Variants in SCP2 observed in about 807,000 individuals in gnomAD.
The protein encoded by SCP2 is SCP-2/3-oxoacyl-CoA thiolase.
SCP2 carries 48 observed loss-of-function variants against 71.4 expected under a neutral mutation model. That is an observed-to-expected ratio of 0.67 (90% CI 0.53 to 0.86). SCP2 has a LOEUF of 0.86. Among genes scored for constraint, SCP2 ranks in the 40% least tolerant of loss-of-function variants. The pLI is 0.00. For missense variants in SCP2, 560 were observed against 655.6 expected (o/e 0.85, Z 1.59); for synonymous variants, 220 against 218.1 (o/e 1.01, Z -0.08).
chr1:52,928,308 C>T (rs1205021174), intron 1 of SCP2, among the ~76,000 whole-genome samples: 1 of 152,272 alleles, frequency 6.6e-6, no homozygotes, highest in Admixed American at 6.5e-5. Flanking sequence ...GGCTTATTCA[C>T]TGCTGTGCCC....
intron 1 of SCP2, among the ~76,000 whole-genome samples, chr1:52,938,789 T>C (rs1653961751): frequency 6.6e-6 from 1 of 152,224 alleles, no homozygotes; most frequent in Non-Finnish European, 1.5e-5. Context: ...GAACATACAT[T>C]GACACATCAT....
At chr1:53,013,477 C>T (rs1661119764) in intron 11 of SCP2, among the ~76,000 whole-genome samples, 1 of 150,458 alleles carries the variant, frequency 6.6e-6, no homozygotes, top group African/African-American at 2.5e-5. Flanking sequence ...TGCCTGGAGT[C>T]CCAGCTACTT....
chr1:53,024,296 G>T (rs1328885621), intron 12 of SCP2, among the ~76,000 whole-genome samples: 1 of 152,114 alleles, frequency 6.6e-6, no homozygotes, highest in Non-Finnish European at 1.5e-5. Context: ...GTTGCCAGGG[G>T]TTGGAAGCAG....
chr1:53,010,932 T>C (rs1244346048), intron 11 of SCP2, among the ~76,000 whole-genome samples: 1 of 152,186 alleles, frequency 6.6e-6, no homozygotes, highest in African/African-American at 2.4e-5. Flanking sequence ...CTGACTCCTT[T>C]TTCAGACTCA....
At chr1:52,932,161 T>C (rs2150094906) in intron 1 of SCP2, among the ~76,000 whole-genome samples, 1 of 152,172 alleles carries the variant, frequency 6.6e-6, no homozygotes, top group East Asian at 1.9e-4. Context: ...AACTAGGAAA[T>C]TATCAGAGAA....
chr1:52,952,806 T>C (rs1304517329), intron 4 of SCP2, among the ~76,000 whole-genome samples: 1 of 152,072 alleles, frequency 6.6e-6, no homozygotes, highest in East Asian at 1.9e-4. Context: ...GATAATGCCA[T>C]TGTAAACATT....
intron 13 of SCP2, among the ~76,000 whole-genome samples, chr1:53,032,168 C>T (rs1031810810): frequency 3.9e-5 from 6 of 152,314 alleles, no homozygotes; most frequent in Admixed American, 2.6e-4. Flanking sequence ...GCTCTGCTGT[C>T]ATCGGCTAAA....
chr1:53,021,119 ACCT>A (rs1452425355), intron 12 of SCP2, among the ~76,000 whole-genome samples: 1 of 151,740 alleles, frequency 6.6e-6, no homozygotes, highest in Non-Finnish European at 1.5e-5. Flanking sequence ...TAATCTTCCC[ACCT>A]CAGCCTCCTG....
chr1:53,007,930 A>G (rs573974003), intron 11 of SCP2, among the ~76,000 whole-genome samples: 1 of 152,352 alleles, frequency 6.6e-6, no homozygotes, highest in Admixed American at 6.5e-5. Flanking sequence ...GATGCAATAA[A>G]AAATGATAAA....
chr1:53,030,157 G>A (rs991389771), intron 13 of SCP2, among the ~76,000 whole-genome samples: 3 of 151,980 alleles, frequency 2.0e-5, no homozygotes, highest in African/African-American at 7.2e-5. Flanking sequence ...CAAAGTGCTG[G>A]GATTACAGGC....
intron 14 of SCP2, among the ~76,000 whole-genome samples, chr1:53,042,290 G>C (rs1214301730): frequency 6.6e-6 from 1 of 151,152 alleles, no homozygotes; most frequent in Admixed American, 6.6e-5. Flanking sequence ...ATGACTGAAG[G>C]TTAATGGTTA....
chr1:52,977,479 T>C (rs1368099058), intron 8 of SCP2, among the ~76,000 whole-genome samples: 1 of 152,238 alleles, frequency 6.6e-6, no homozygotes, highest in African/African-American at 2.4e-5. Flanking sequence ...TGGTTTTGTA[T>C]TCCCAAGCTA....
chr1:52,961,692 C>T (rs1238694762), intron 6 of SCP2, 63 bp downstream of exon 6: 2 of 1,429,698 alleles, frequency 1.4e-6, no homozygotes, highest in Admixed American at 3.4e-5. Flanking sequence ...TGAGAAATGA[C>T]AGTTATTTAT....
At chr1:53,027,275 G>A (rs892719731) in intron 12 of SCP2, among the ~76,000 whole-genome samples, 14 of 151,958 alleles carry the variant, frequency 9.2e-5, no homozygotes, top group African/African-American at 2.7e-4. Context: ...GGCTGGTCTC[G>A]AACTCCTGAG....
At chr1:53,024,917 A>G (rs1662013790) in intron 12 of SCP2, among the ~76,000 whole-genome samples, 1 of 151,984 alleles carries the variant, frequency 6.6e-6, no homozygotes, top group African/African-American at 2.4e-5. Flanking sequence ...TAAAGATGTC[A>G]TCTTTATCCC....
chr1:53,038,250 G>A (rs879434587), intron 13 of SCP2, among the ~76,000 whole-genome samples: 14,785 of 149,904 alleles, frequency 0.099, 1,425 homozygotes, highest in African/African-American at 0.22. Context: ...ATATATGTGT[G>A]TGTACACACA....
At chr1:52,965,572 C>T (rs962966009) in intron 6 of SCP2, among the ~76,000 whole-genome samples, 6 of 152,150 alleles carry the variant, frequency 3.9e-5, no homozygotes, top group African/African-American at 7.2e-5. Flanking sequence ...TGCTATTGCA[C>T]ATGGACTTTT....
chr1:52,930,670 T>C (rs1653069434), intron 1 of SCP2, among the ~76,000 whole-genome samples: 1 of 152,172 alleles, frequency 6.6e-6, no homozygotes, highest in African/African-American at 2.4e-5. Flanking sequence ...GATTTGGTCA[T>C]AATCTAATAA....
Position 53,047,880 on chromosome 1 carries a change from C to A in SCP2, c.1491C>A (p.Ile497=). The change falls in exon 15 of 16, where the codon ATC becomes ATA. Residue 497 remains isoleucine (I), a synonymous_variant. Coordinates refer to ENST00000371514, the MANE Select transcript of SCP2 (RefSeq NM_002979.5). ...PNSDKKADCT[I]TMADSDFLAL... is the part of the protein sequence containing the mutation. ...TAGATAAGAAGGCTGACTGCACAAT[C>A]ACAATGGCTGACTCAGACTTCCTGG... 6.2e-7 allele frequency: 1 copy of A among 1,613,184 alleles called. No individual in the cohort carries two copies. The highest frequency in any genetic ancestry group is 8.5e-7 in the Non-Finnish European group (1 of 1,179,118).
Sources: allele counts gnomAD v4.1 joint callset (sites outside exome capture counted in the v4.1 genomes callset), GRCh38; gene constraint gnomAD v4.1.1; transcripts MANE v1.5; gene names NCBI Gene and HGNC (gene_info 2026-07-23, HGNC 2026-07-21).